The following HJURP variants were observed in gnomAD, a reference collection of about 807,000 sequenced individuals.
HJURP encodes the protein Holliday junction recognition protein, also known as 14-3-3-associated AKT substrate.
In HJURP, 49 loss-of-function variants were observed where a neutral mutation model predicts 72.0. The ratio of observed to expected loss-of-function variants is 0.68; its 90% CI spans 0.54 to 0.86. The LOEUF is 0.86. HJURP is among the 40% of genes least tolerant of loss of function. The probability of loss-of-function intolerance (pLI) is 0.00; values close to 1 mark genes in which losing one functional copy is unlikely to be tolerated. For missense variants in HJURP, 908 were observed against 936.3 expected (o/e 0.97, Z 0.39); for synonymous variants, 357 against 347.1 (o/e 1.03, Z -0.32).
At chr2:233,849,886 A>G (rs1559499225) in intron 3 of HJURP, 27 bp from the exon 4 acceptor site, 1 of 1,403,280 alleles carries the variant, frequency 7.1e-7, no homozygotes, top group Admixed American at 2.0e-5. Context: ...CAATAAAAAC[A>G]TGGTTGTTTG....
At position 233,845,709 on chromosome 2, in the gene HJURP, C is replaced by T. The variant is rs1254529157; in HGVS notation, c.495+19G>A. ...TATGATCTAATTATATAAAAACAAA[C>T]AACTGGGAAACAGATTACCTCAAAA... On this transcript the variant is annotated intron_variant, in intron 6 of 8. Coordinates refer to ENST00000411486, the MANE Select transcript of HJURP (RefSeq NM_018410.5). 1 of 1,501,910 alleles carries T rather than the reference C, an allele frequency of 6.7e-7. No homozygotes were observed. Among genetic ancestry groups the T allele is most frequent in the South Asian group, 1.2e-5 (1 of 86,826 alleles). The allele number at this position is 1,501,910 out of a possible 1,614,324, so 93.0% of individuals were successfully genotyped here. A position where few individuals can be genotyped will look rare whatever the true frequency, so the allele number is the denominator to read the frequency against.
Position 233,854,522 on chromosome 2 carries a change from C to A in HJURP, c.-22G>T, listed in dbSNP as rs761479842. On this transcript the variant is annotated 5_prime_UTR_variant, in exon 1 of 9. Coordinates refer to ENST00000411486, the MANE Select transcript of HJURP (RefSeq NM_018410.5). ...GCATCGGACCCAGCCAGTACCCAAG[C>A]GCCAACCCGGACTGCAGGGCCTCGC... is the stretch of plus-strand genomic sequence containing the variant. The A allele has an allele frequency of 3.8e-6, 6 of 1,571,034 alleles. No individual in the cohort carries two copies. Among genetic ancestry groups the A allele is most frequent in the South Asian group, 3.4e-5 (3 of 88,740 alleles).
Position 233,841,580 on chromosome 2 carries a change from C to T in HJURP, c.1200G>A (p.Glu400=), listed in dbSNP as rs144726190. ...ATTTTAATGTCCTAAATCTATTTTCCTCATCAAGATTATATGTTGCACTGG... is the reference window on the plus strand; with the variant it reads ...ATTTTAATGTCCTAAATCTATTTTCTTCATCAAGATTATATGTTGCACTGG... ...FDSSATYNLD[E]ENRFRTLKWL... is the part of the protein sequence containing the mutation. The change falls in exon 8 of 9, where the codon GAG becomes GAA. Residue 400 remains glutamate (E), a synonymous_variant. Transcript: ENST00000411486. 1 of 1,614,116 alleles carries T rather than the reference C, an allele frequency of 6.2e-7. No homozygotes were observed. Among genetic ancestry groups the T allele is most frequent in the Non-Finnish European group, 8.5e-7 (1 of 1,180,008 alleles).
In HJURP at chr2:233,840,843, CACCCCAG is replaced by C; in HGVS notation, c.1930_1936del (p.Leu644AlafsTer95). On this transcript the variant is annotated frameshift_variant, in exon 8 of 9. Coordinates refer to ENST00000411486, the MANE Select transcript of HJURP (RefSeq NM_018410.5). LOFTEE classifies it high-confidence loss of function. The stretch of plus-strand genomic sequence containing the variant: ...AGTTGAGCCCAGTAGACTTTTTCTG[CACCCCAG>C]GGGTGATGATGGCAACTTCTGGAAA... 1 of 1,613,752 alleles carries C rather than the reference CACCCCAG, an allele frequency of 6.2e-7. No individual in the cohort carries two copies. The highest frequency in any genetic ancestry group is 8.5e-7 in the Non-Finnish European group (1 of 1,179,924).
intron 4 of HJURP, among the ~76,000 whole-genome samples, chr2:233,848,712 T>C (rs1705429106): frequency 6.6e-6 from 1 of 152,140 alleles, no homozygotes; most frequent in Admixed American, 6.5e-5. Flanking sequence ...ACATGAAGTA[T>C]TGAAGCAGAG....
intron 8 of HJURP, among the ~76,000 whole-genome samples, chr2:233,838,058 G>C (rs141393661): frequency 6.6e-6 from 1 of 152,322 alleles, no homozygotes; most frequent in Non-Finnish European, 1.5e-5. Flanking sequence ...ACGTAAAAAC[G>C]GTTCAGCATG....
At chr2:233,839,475 C>T (rs1705162893) in intron 8 of HJURP, among the ~76,000 whole-genome samples, 1 of 152,244 alleles carries the variant, frequency 6.6e-6, no homozygotes, top group Non-Finnish European at 1.5e-5. Context: ...AGTCCAAGGG[C>T]ATTGGGAAGA....
At position 233,844,240 on chromosome 2, in the gene HJURP, A is replaced by T. The variant is rs750087704; in HGVS notation, c.539T>A (p.Leu180Gln). The T allele has an allele frequency of 6.2e-7, 1 of 1,614,204 alleles. No individual in the cohort carries two copies. The highest frequency in any genetic ancestry group is 8.5e-7 in the Non-Finnish European group (1 of 1,180,006). ...CACGGCAGGTGAGGCCAGTGAAGGC[A>T]GCGGAGTCACACGTACATCCCTTCC... ...RAGRDVRVTP[L>Q]PSLASPAVPA... is the part of the protein sequence containing the mutation. Residue 180 changes from leucine to glutamine, a missense_variant, in exon 7 of 9, where the codon CTG becomes CAG. Leu to Gln is a moderately radical substitution (Grantham distance 113). Transcript: ENST00000411486.
chr2:233,851,299 C>T (rs974560925), intron 3 of HJURP, among the ~76,000 whole-genome samples: 43 of 152,118 alleles, frequency 2.8e-4, no homozygotes, highest in Admixed American at 1.4e-3. Flanking sequence ...AGACAAGGAC[C>T]GGGATTTTCT....
rs1483226129 is a variant in HJURP at position 233,853,731 on chromosome 2, G to C, written c.184+113C>G. 6 of 806,314 alleles carry C rather than the reference G, an allele frequency of 7.4e-6. No individual in the cohort carries two copies. In the Admixed American group the frequency reaches 1.4e-4, roughly 18 times the overall value. The allele number at this position is 806,314 out of a possible 1,614,324, so 49.9% of individuals were successfully genotyped here. ...CAGGTTTAAGGGCACCAATGTTTTG[G>C]TTCCTATTAGTTAGGTGAACAATGT... On this transcript the variant is annotated intron_variant, in intron 2 of 8. Transcript: ENST00000411486.
intron 5 of HJURP, among the ~76,000 whole-genome samples, chr2:233,847,085 T>C (rs1468510932): frequency 6.6e-6 from 1 of 152,228 alleles, no homozygotes; most frequent in East Asian, 1.9e-4. Flanking sequence ...TTTCCTGTCG[T>C]GTGCTCATCC....
intron 2 of HJURP, among the ~76,000 whole-genome samples, chr2:233,853,579 C>A (rs190643531): frequency 1.2e-3 from 187 of 152,356 alleles, no homozygotes; most frequent in African/African-American, 4.3e-3. Flanking sequence ...AGCTAAGCAA[C>A]TGCCCCACGC....
At chr2:233,842,289 A>G in intron 7 of HJURP, 84 bp from the exon 8 acceptor site, 1 of 1,213,974 alleles carries the variant, frequency 8.2e-7, no homozygotes, top group Non-Finnish European at 1.2e-6. Flanking sequence ...TTAAGATTGG[A>G]TCAGGACTAT....
Position 233,837,657 on chromosome 2 carries a change from GAAA to G in HJURP, c.2172-8_2172-6del. On this transcript the variant is annotated splice_region_variant and splice_polypyrimidine_tract_variant and intron_variant, in intron 8 of 8. Transcript: ENST00000411486. ...CTGTAAGACGTGTTCTCTCCTCTAG[GAAA>G]AAAAAAAGACAAAGAAAATGATGTT... is the stretch of plus-strand genomic sequence containing the variant. The G allele has an allele frequency of 2.8e-6, 4 of 1,419,018 alleles. No homozygotes were observed. Among genetic ancestry groups the G allele is most frequent in the Non-Finnish European group, 3.8e-6 (4 of 1,052,112 alleles). The allele number at this position is 1,419,018 out of a possible 1,614,324, so 87.9% of individuals were successfully genotyped here. A position where few individuals can be genotyped will look rare whatever the true frequency, so the allele number is the denominator to read the frequency against.
chr2:233,844,236 A>C lies in HJURP; in HGVS notation c.543T>G (p.Pro181=). ...CAGGCACGGCAGGTGAGGCCAGTGA[A>C]GGCAGCGGAGTCACACGTACATCCC... The part of the protein sequence containing the change: ...AGRDVRVTPL[P]SLASPAVPAP... The change falls in exon 7 of 9, where the codon CCT becomes CCG. Residue 181 remains proline, a synonymous_variant. Transcript: ENST00000411486. 6.2e-7 allele frequency: 1 copy of C among 1,614,184 alleles called. No homozygotes were observed. Among genetic ancestry groups the C allele is most frequent in the Non-Finnish European group, 8.5e-7 (1 of 1,180,002 alleles).
At chr2:233,839,122 G>A (rs765768692) in intron 8 of HJURP, among the ~76,000 whole-genome samples, 20 of 152,330 alleles carry the variant, frequency 1.3e-4, no homozygotes, top group Non-Finnish European at 2.5e-4. Flanking sequence ...TCTGCTTCTG[G>A]TTAGCTCACA....
chr2:233,848,094 G>GT (rs1705411867), intron 4 of HJURP, among the ~76,000 whole-genome samples: 6 of 152,118 alleles, frequency 3.9e-5, no homozygotes, highest in Non-Finnish European at 7.4e-5. Flanking sequence ...TACTCTGAAA[G>GT]ACCACCAGCT....
At position 233,854,447 on chromosome 2, in the gene HJURP, C is replaced by A; in HGVS notation, c.54G>T (p.Leu18=). The A allele has an allele frequency of 6.2e-7, 1 of 1,612,582 alleles. No homozygotes were observed. The highest frequency in any genetic ancestry group is 8.5e-7 in the Non-Finnish European group (1 of 1,179,546). ...GGCGACTGGCCCTGAGCTTCTGCAG[C>A]AGCTGGTCGTCTTCCACGTCCTCGC... ...MEGEDVEDDQ[L]LQKLRASRRR... The change falls in exon 1 of 9, where the codon CTG becomes CTT. Residue 18 remains leucine (L), a synonymous_variant. Transcript: ENST00000411486.
At chr2:233,844,897 T>A (rs934995851) in intron 6 of HJURP, among the ~76,000 whole-genome samples, 8 of 152,212 alleles carry the variant, frequency 5.3e-5, no homozygotes, top group African/African-American at 1.9e-4. Context: ...TCCTTTATTC[T>A]ATGGCAGAGG....
Sources: gnomAD v4.1 joint callset for allele counts (sites outside exome capture counted in the v4.1 genomes callset) on GRCh38, gnomAD v4.1.1 for gene constraint, MANE v1.5 for transcripts, NCBI Gene and HGNC (gene_info 2026-07-23, HGNC 2026-07-21) for gene names.